SYCP1: variants seen among roughly 807,000 people sequenced by gnomAD.
SYCP1 encodes cancer/testis antigen 8.
In SYCP1, 64 loss-of-function variants were observed where a neutral mutation model predicts 153.1. The ratio of observed to expected loss-of-function variants is 0.42; its 90% CI spans 0.34 to 0.51. The LOEUF (loss-of-function observed/expected upper bound fraction) is 0.51. Among genes scored for constraint, SYCP1 ranks in the 20% least tolerant of loss-of-function variants. The probability of loss-of-function intolerance (pLI) is 0.06; values close to 1 mark genes in which losing one functional copy is unlikely to be tolerated. For synonymous variants in SYCP1, 384 were observed against 341.8 expected, an observed-to-expected ratio of 1.12 and a Z score of -1.36; for missense variants, 997 against 1,049.0, an observed-to-expected ratio of 0.95 and a Z score of 0.68.
At chr1:114,865,404 G>T (rs953550936) in intron 8 of SYCP1, among the ~76,000 whole-genome samples, 3 of 152,132 alleles carry the variant, frequency 2.0e-5, no homozygotes, top group African/African-American at 4.8e-5. Context: ...CCTAGAGAAT[G>T]TTTATTTGTT....
chr1:114,956,541 A>C (rs967076148), intron 27 of SYCP1, among the ~76,000 whole-genome samples: 2 of 151,948 alleles, frequency 1.3e-5, no homozygotes, highest in Non-Finnish European at 2.9e-5. Context: ...ACTATGGTCA[A>C]CTCCAGCCCC....
intron 23 of SYCP1, among the ~76,000 whole-genome samples, chr1:114,939,128 T>G (rs1026176848): frequency 6.6e-6 from 1 of 152,172 alleles, no homozygotes; most frequent in Non-Finnish European, 1.5e-5. Context: ...AGCAACATTA[T>G]TCACAATAGC....
chr1:114,959,047 T>C (rs1671618652), intron 27 of SYCP1, among the ~76,000 whole-genome samples: 1 of 152,180 alleles, frequency 6.6e-6, no homozygotes, highest in Non-Finnish European at 1.5e-5. Flanking sequence ...TGGTATCATT[T>C]GCAACACAAA....
chr1:114,972,278 T>C (rs965691842), intron 27 of SYCP1, among the ~76,000 whole-genome samples: 2 of 152,106 alleles, frequency 1.3e-5, no homozygotes, highest in African/African-American at 2.4e-5. Context: ...TTTCCTTCTC[T>C]CATTTTATTT....
rs935270276 is a variant in SYCP1 at position 114,989,163 on chromosome 1, T to TCAAAA, written c.2703+4311_2703+4315dup. On this transcript the variant is annotated intron_variant, in intron 30 of 31. Transcript: ENST00000369522. ...GCCTGGGTGACAGAATTAGATCCTGTCAAAACAAAACAAAACAAAAAACCA... is the reference window on the plus strand; with the variant it reads ...GCCTGGGTGACAGAATTAGATCCTGTCAAAACAAAACAAAACAAAACAAAAAACCA... Among the ~76,000 whole-genome samples, 26 of 151,660 alleles carry TCAAAA rather than the reference T, an allele frequency of 1.7e-4. No individual in the cohort carries two copies. In the East Asian group the frequency reaches 4.5e-3, roughly 26 times the overall value.
At chr1:114,909,510 ACAC>A (rs1668041178) in intron 16 of SYCP1, among the ~76,000 whole-genome samples, 1 of 139,918 alleles carries the variant, frequency 7.1e-6, no homozygotes, top group South Asian at 2.3e-4. Context: ...ACACACACAC[ACAC>A]ACACACACAC....
intron 16 of SYCP1, among the ~76,000 whole-genome samples, chr1:114,907,483 C>G (rs970755214): frequency 6.6e-6 from 1 of 151,818 alleles, no homozygotes; most frequent in Non-Finnish European, 1.5e-5. Flanking sequence ...CTATACTTCT[C>G]TGCATTTATT....
intron 27 of SYCP1, among the ~76,000 whole-genome samples, chr1:114,949,572 G>T (rs1231233746): frequency 6.6e-6 from 1 of 152,162 alleles, no homozygotes; most frequent in Non-Finnish European, 1.5e-5. Flanking sequence ...GGAAGGTAGG[G>T]GAGAGAATAT....
chr1:114,882,003 T>C (rs945269841), intron 12 of SYCP1, among the ~76,000 whole-genome samples: 1 of 152,216 alleles, frequency 6.6e-6, no homozygotes, highest in Non-Finnish European at 1.5e-5. Flanking sequence ...TCTTCAGATA[T>C]TGTATTTGCT....
intron 17 of SYCP1, 33 bp from the exon 18 acceptor site, chr1:114,911,446 C>A: frequency 6.7e-7 from 1 of 1,484,750 alleles, no homozygotes; most frequent in East Asian, 2.7e-5. Flanking sequence ...ATTCGAAAAA[C>A]ACTTGCCATA....
intron 20 of SYCP1, among the ~76,000 whole-genome samples, chr1:114,917,965 C>G (rs547428367): frequency 6.8e-6 from 1 of 146,388 alleles, no homozygotes; most frequent in East Asian, 2.0e-4. Flanking sequence ...TTTTTTTTTT[C>G]TGTGCAGAAG....
At chr1:114,944,207 G>T in intron 23 of SYCP1, 132 bp from the exon 24 acceptor site, 1 of 536,844 alleles carries the variant, frequency 1.9e-6, no homozygotes, top group Non-Finnish European at 3.3e-6. Flanking sequence ...GAAAATGTAA[G>T]GAAAGTGATC....
intron 27 of SYCP1, among the ~76,000 whole-genome samples, chr1:114,967,373 G>T (rs927844821): frequency 1.3e-5 from 2 of 151,810 alleles, no homozygotes; most frequent in Non-Finnish European, 2.9e-5. Context: ...TTGGGTGCAT[G>T]TATTTAGGAT....
chr1:114,883,399 ACT>A (rs1276045562), intron 12 of SYCP1, among the ~76,000 whole-genome samples: 18 of 151,766 alleles, frequency 1.2e-4, no homozygotes, highest in African/African-American at 3.6e-4. Context: ...CATTTTGCTG[ACT>A]CTGTTCATGG....
intron 16 of SYCP1, among the ~76,000 whole-genome samples, chr1:114,904,282 A>G (rs1286473396): frequency 6.6e-6 from 1 of 151,672 alleles, no homozygotes; most frequent in Non-Finnish European, 1.5e-5. Flanking sequence ...ACGCCTGGCT[A>G]CTTTTTTGTA....
At chr1:114,857,138 A>AG in intron 3 of SYCP1, 94 bp from the exon 4 acceptor site, 9 of 398,324 alleles carry the variant, frequency 2.3e-5, no homozygotes, top group Non-Finnish European at 3.2e-5. Context: ...CTCTCTCTCA[A>AG]AAAAAAAAAA....
At chr1:114,952,667 G>A (rs1027515212) in intron 27 of SYCP1, among the ~76,000 whole-genome samples, 3 of 152,112 alleles carry the variant, frequency 2.0e-5, no homozygotes, top group Non-Finnish European at 4.4e-5. Flanking sequence ...AGCAGCATGG[G>A]GGTAACCAAC....
chr1:114,863,800 G>A (rs995663755), intron 8 of SYCP1, among the ~76,000 whole-genome samples: 8 of 151,726 alleles, frequency 5.3e-5, no homozygotes, highest in African/African-American at 1.9e-4. Flanking sequence ...TTCTGTAAAA[G>A]AATGAGTTCA....
At chr1:114,940,158 T>TG (rs1462356714) in intron 23 of SYCP1, among the ~76,000 whole-genome samples, 4 of 152,064 alleles carry the variant, frequency 2.6e-5, no homozygotes, top group Non-Finnish European at 4.4e-5. Flanking sequence ...GTGCAGTGGC[T>TG]GTGATCTCGG....
Sources: allele counts gnomAD v4.1 joint callset (sites outside exome capture counted in the v4.1 genomes callset), GRCh38; gene constraint gnomAD v4.1.1; transcripts MANE v1.5; gene names NCBI Gene and HGNC (gene_info 2026-07-23, HGNC 2026-07-21).